CACNA1H: variants seen among roughly 807,000 people sequenced by gnomAD.
The protein encoded by CACNA1H is voltage-dependent T-type calcium channel subunit alpha-1H.
CACNA1H carries 149 observed loss-of-function variants against 192.5 expected under a neutral mutation model. The ratio of observed to expected loss-of-function variants is 0.77; its 90% confidence interval spans 0.68 to 0.89. The LOEUF (loss-of-function observed/expected upper bound fraction) is 0.89, where lower values mean the gene tolerates loss of function less well. CACNA1H is among the 40% of genes least tolerant of loss of function. The pLI, the probability that CACNA1H is intolerant of heterozygous loss-of-function variation, is 0.00. For synonymous variants in CACNA1H, 2,202 were observed against 1,475.2 expected (o/e 1.49, Z -11.29); for missense variants, 4,257 against 3,423.5 (o/e 1.24, Z -6.08).
rs1044761891 is a variant in CACNA1H at position 1,205,965 on chromosome 16, T to A, written c.2604-139T>A. 18 of 768,992 alleles carry A rather than the reference T, an allele frequency of 2.3e-5. No individual in the cohort carries two copies. The African/African-American group carries it at 3.0e-4, about 13-fold the overall frequency. 47.6% of individuals were successfully genotyped at this position (768,992 alleles called of 1,614,324 possible). On this transcript the variant is annotated intron_variant, in intron 11 of 34. Transcript: ENST00000348261. ...TTCCGCAGCTGTTCATGCACCTTGA[T>A]GCAGCCATACCCTCTCCCATCTGTG...
At chr16:1,188,917 C>A (rs1029270864) in intron 2 of CACNA1H, among the ~76,000 whole-genome samples, 1 of 152,234 alleles carries the variant, frequency 6.6e-6, no homozygotes, top group Non-Finnish European at 1.5e-5. Flanking sequence ...GCCCGCCCTG[C>A]GTCCACACCT....
rs574397087 is a variant in CACNA1H, at chr16:1,220,874, C to A, written c.6942C>A (p.Val2314=). ...CAGAATCAGAGCCTCCCATGCCCGT[C>A]GGTGACCCCCCAGAGAAGAGGCGGG... ...EPPESEPPMP[V]GDPPEKRRGL... is the part of the protein sequence containing the mutation. Residue 2314 remains valine (V), a synonymous_variant, in exon 35 of 35, where the codon GTC becomes GTA. Transcript: ENST00000348261. 3.1e-6 allele frequency: 5 copies of A among 1,612,560 alleles called. 1 individual carries two copies. In the South Asian group the frequency reaches 5.5e-5, roughly 18 times the overall value.
In CACNA1H at chr16:1,217,496, G is replaced by C. The variant is rs1298414041; in HGVS notation, c.5324-423G>C. On this transcript the variant is annotated intron_variant, in intron 31 of 34. Coordinates refer to ENST00000348261, the MANE Select transcript of CACNA1H (RefSeq NM_021098.3). ...AGACGGCCCAGCCCTGCCCCTGCCG[G>C]GTTCCACTTCAGGCAGCCCAGTCCC... 2.0e-5 allele frequency among the ~76,000 whole-genome samples: 3 copies of C among 152,162 alleles called. No individual in the cohort carries two copies. In the South Asian group the frequency reaches 6.2e-4, roughly 31 times the overall value.
At chr16:1,196,936 C>A (rs552107030) in intron 5 of CACNA1H, among the ~76,000 whole-genome samples, 1 of 151,720 alleles carries the variant, frequency 6.6e-6, no homozygotes, top group South Asian at 2.1e-4. Flanking sequence ...TAGATGTGGC[C>A]CCGTGTGTGC....
intron 5 of CACNA1H, among the ~76,000 whole-genome samples, chr16:1,197,748 A>G (rs1463988238): frequency 6.6e-6 from 1 of 152,134 alleles, no homozygotes; most frequent in Non-Finnish European, 1.5e-5. Context: ...TTTGCCATTG[A>G]TACCCCTGGG....
intron 16 of CACNA1H, 64 bp downstream of exon 16, chr16:1,208,285 G>A (rs1395869572): frequency 1.7e-6 from 2 of 1,198,730 alleles, no homozygotes; most frequent in Admixed American, 2.1e-5. Context: ...GGCTCCTTAT[G>A]GCCTTCCCTG....
At chr16:1,153,596 G>C (rs1961865870) in intron 1 of CACNA1H, 124 bp from the exon 2 acceptor site, 1 of 522,276 alleles carries the variant, frequency 1.9e-6, no homozygotes, top group Non-Finnish European at 2.8e-6. Context: ...CGGGGGGCGC[G>C]TTTGTCTCTA....
intron 2 of CACNA1H, among the ~76,000 whole-genome samples, chr16:1,175,259 A>G (rs1027691012): frequency 6.6e-6 from 1 of 152,140 alleles, no homozygotes; most frequent in African/African-American, 2.4e-5. Context: ...CTGTGTGTGT[A>G]GGTGTGCCTA....
chr16:1,211,464 C>A lies in CACNA1H; in HGVS notation c.4351-17C>A. 1 of 1,612,320 alleles carries A rather than the reference C, an allele frequency of 6.2e-7. No individual in the cohort carries two copies. Among genetic ancestry groups the A allele is most frequent in the African/African-American group, 1.3e-5 (1 of 75,042 alleles). ...GCACAGGCCAGGCCCTCCGCGGTGA[C>A]CGTCGCACCCCGTCAGCTCTTCAAA... On this transcript the variant is annotated splice_polypyrimidine_tract_variant and intron_variant, in intron 22 of 34. Transcript: ENST00000348261.
At chr16:1,194,230 G>A (rs368128395) in intron 2 of CACNA1H, among the ~76,000 whole-genome samples, 18 of 152,270 alleles carry the variant, frequency 1.2e-4, no homozygotes, top group African/African-American at 3.9e-4. Flanking sequence ...TCTCCTCCTC[G>A]GTTCCCACGT....
Position 1,213,939 on chromosome 16 carries a change from C to G in CACNA1H, c.4929+8C>G, listed in dbSNP as rs59027578. ...CACTATAACCAACCCAAGGTGGGTG[C>G]GAGGGGGCCGCGAGGGGCCCAGGGG... On this transcript the variant is annotated splice_region_variant and intron_variant, in intron 27 of 34. Transcript: ENST00000348261. 206 of 1,607,200 alleles carry G rather than the reference C, an allele frequency of 1.3e-4. 1 individual carries two copies. The highest frequency in any genetic ancestry group is 2.3e-4 in the African/African-American group (17 of 74,978).
intron 2 of CACNA1H, among the ~76,000 whole-genome samples, chr16:1,193,245 C>T (rs958796567): frequency 7.2e-5 from 11 of 152,256 alleles, no homozygotes; most frequent in South Asian, 2.1e-4. Flanking sequence ...CAGCCACCCC[C>T]GCAGAAAGGT....
chr16:1,215,320 G>C lies in CACNA1H; in HGVS notation c.5118G>C (p.Ala1706=), dbSNP rs777120591. 6.2e-7 allele frequency: 1 copy of C among 1,611,496 alleles called. No homozygotes were observed. ...ITLEEIEMSA[A]LPINPTIIRI... ...TGGAGGAGATAGAGATGAGCGCCGC[G>C]CTGCCCATCAACCCCACCATCATCC... Residue 1706 remains alanine (A), a synonymous_variant, in exon 29 of 35, where the codon GCG becomes GCC. Coordinates refer to ENST00000348261, the MANE Select transcript of CACNA1H (RefSeq NM_021098.3).
chr16:1,202,157 A>G lies in CACNA1H; in HGVS notation c.1707A>G (p.Ala569=). The G allele has an allele frequency of 1.3e-6, 2 of 1,551,080 alleles. No individual in the cohort carries two copies. The highest frequency in any genetic ancestry group is 1.7e-6 in the Non-Finnish European group (2 of 1,147,818). Reference sequence around the variant, plus strand: ...CCCCAGGCCGCGGACCCCCCGACGCAGAGTCTGTGCACAGCATCTACCATG... The same window carrying G: ...CCCCAGGCCGCGGACCCCCCGACGCGGAGTCTGTGCACAGCATCTACCATG... The part of the protein sequence containing the change: ...PPSPGRGPPD[A]ESVHSIYHAD... The change falls in exon 9 of 35, where the codon GCA becomes GCG. Residue 569 remains alanine, a synonymous_variant. Coordinates refer to ENST00000348261, the MANE Select transcript of CACNA1H (RefSeq NM_021098.3).
chr16:1,199,438 G>A (rs1452605697), intron 6 of CACNA1H, among the ~76,000 whole-genome samples: 1 of 59,224 alleles, frequency 1.7e-5, no homozygotes, highest in African/African-American at 8.7e-5. Context: ...TCCGCCCACC[G>A]TGCGGTCGCT....
Position 1,221,184 on chromosome 16 carries a change from C to A in CACNA1H, c.*190C>A, listed in dbSNP as rs900730438. On this transcript the variant is annotated 3_prime_UTR_variant, in exon 35 of 35. Transcript: ENST00000348261. ...AGGAGTAGCTGCCGGGCCCCACGAG[C>A]CTCCGTCCGTTCTGGTTCGGGTTTC... The A allele has an allele frequency of 1.5e-5, 8 of 548,126 alleles. No individual in the cohort carries two copies. The highest frequency in any genetic ancestry group is 1.2e-4 in the East Asian group (4 of 34,368). The allele number at this position is 548,126 out of a possible 1,614,324, so 34.0% of individuals were successfully genotyped here. A position where few individuals can be genotyped will look rare whatever the true frequency, so the allele number is the denominator to read the frequency against.
Position 1,215,244 on chromosome 16 carries a change from G to A in CACNA1H, c.5042G>A (p.Trp1681Ter), listed in dbSNP as rs1969916389. The A allele has an allele frequency of 1.9e-6, 3 of 1,602,094 alleles. No individual in the cohort carries two copies. Among genetic ancestry groups the A allele is most frequent in the Non-Finnish European group, 1.7e-6 (2 of 1,174,198 alleles). ...GCGCTGAGCCTCCGGCCACACAGGT[G>A]GAACCAGCTGGACCTGGCCATCGTG... ...FGFRRFFKDR[W>*]NQLDLAIVLL... The change falls in exon 29 of 35, where the codon TGG (tryptophan) becomes TAG (stop). Residue 1681 changes from tryptophan to a stop codon, truncating the protein, a stop_gained and splice_region_variant. Coordinates refer to ENST00000348261, the MANE Select transcript of CACNA1H (RefSeq NM_021098.3). LOFTEE classifies it high-confidence loss of function.
intron 9 of CACNA1H, 139 bp downstream of exon 9, chr16:1,202,591 C>T (rs947293278): frequency 2.2e-5 from 17 of 783,306 alleles, no homozygotes; most frequent in Admixed American, 9.9e-5. Flanking sequence ...CCAGCTATGC[C>T]TCTGGAGCCC....
Position 1,213,918 on chromosome 16 carries a change from A to G in CACNA1H, c.4916A>G (p.Tyr1639Cys). The G allele has an allele frequency of 1.9e-6, 3 of 1,611,020 alleles. No individual in the cohort carries two copies. The highest frequency in any genetic ancestry group is 2.5e-6 in the Non-Finnish European group (3 of 1,179,110). Residue 1639 changes from tyrosine (Y) to cysteine (C), a missense_variant, in exon 27 of 35, where the codon TAT (tyrosine) becomes TGT (cysteine). Coordinates refer to ENST00000348261, the MANE Select transcript of CACNA1H (RefSeq NM_021098.3). ...VNVITMSMEH[Y>C]NQPKSLDEAL... ...GTCATCACCATGTCCATGGAGCACT[A>G]TAACCAACCCAAGGTGGGTGCGAGG...
Sources: gnomAD v4.1 joint callset for allele counts (sites outside exome capture counted in the v4.1 genomes callset) on GRCh38, gnomAD v4.1.1 for gene constraint, MANE v1.5 for transcripts, NCBI Gene and HGNC (gene_info 2026-07-23, HGNC 2026-07-21) for gene names.